RPE65: variants seen among roughly 807,000 people sequenced by gnomAD.
RPE65 encodes the protein retinoid isomerohydrolase RPE65, also known as retinoid isomerohydrolase.
RPE65 carries 58 observed loss-of-function variants against 68.5 expected under a neutral mutation model. The observed-to-expected ratio is 0.85, with a 90% CI of 0.69 to 1.05. The LOEUF is 1.05. Among genes scored for constraint, RPE65 ranks in the 50% least tolerant of loss-of-function variants. RPE65 has a pLI of 0.00. For synonymous variants in RPE65, 220 were observed against 222.2 expected (o/e 0.99, Z 0.09); for missense variants, 643 against 629.9 (o/e 1.02, Z -0.22).
Position 68,446,878 on chromosome 1 carries a change from C to T in RPE65, c.95-18G>A, listed in dbSNP as rs75886344. ...GATCCTGCCTGTGATGAAGGGGAGA[C>T]AGAACATTGCTTCTTATCCCTGCCT... is the stretch of plus-strand genomic sequence containing the variant. On this transcript the variant is annotated intron_variant, in intron 2 of 13. Coordinates refer to ENST00000262340, the MANE Select transcript of RPE65 (RefSeq NM_000329.3). 1.4e-3 allele frequency: 2,271 copies of T among 1,612,788 alleles called. 23 individuals carry two copies. The African/African-American group carries it at 0.026, about 19-fold the overall frequency.
intron 9 of RPE65, among the ~76,000 whole-genome samples, 184 bp from the exon 10 acceptor site, chr1:68,438,500 CTTAATGGATTTGT>C (rs1412264891): frequency 5.3e-5 from 8 of 152,142 alleles, no homozygotes; most frequent in Admixed American, 5.2e-4. Flanking sequence ...AAGCAACCTG[CTTAATGGATTTGT>C]TTAAGTAACA....
At chr1:68,434,200 G>C (rs1466744517) in intron 10 of RPE65, among the ~76,000 whole-genome samples, 1 of 151,456 alleles carries the variant, frequency 6.6e-6, no homozygotes, top group East Asian at 1.9e-4. Flanking sequence ...GAATTTTAAG[G>C]GTGAATAGAG....
chr1:68,446,914 T>G (rs1256045210), intron 2 of RPE65, 54 bp from the exon 3 acceptor site: 15 of 1,610,938 alleles, frequency 9.3e-6, no homozygotes, highest in South Asian at 5.5e-5. Context: ...TGGGCTAGGC[T>G]TGTCCTTGGT....
chr1:68,448,141 C>T (rs1645955812), intron 2 of RPE65, among the ~76,000 whole-genome samples: 1 of 152,162 alleles, frequency 6.6e-6, no homozygotes. Flanking sequence ...GGAATTGAGG[C>T]TCAGAACGTT....
In RPE65 at chr1:68,444,876, G is replaced by A. The variant is rs763317722; in HGVS notation, c.253C>T (p.Arg85Cys). The A allele has an allele frequency of 4.5e-5, 72 of 1,613,814 alleles. No individual in the cohort carries two copies. The highest frequency in any genetic ancestry group is 3.5e-4 in the Admixed American group (21 of 59,992). ...ATTGCCCGTACGTAAGCATCAGTGC[G>A]GATGAACCTGAAGGACATTGAAACA... ...GHVTYHRRFIRTDAYVRAMTE... is the reference protein window; with the variant it reads ...GHVTYHRRFICTDAYVRAMTE... The change falls in exon 4 of 14, where the codon CGC becomes TGC. Residue 85 changes from arginine (R) to cysteine (C), a missense_variant. Transcript: ENST00000262340.
chr1:68,444,750 G>A (rs1473269689), intron 4 of RPE65, 26 bp downstream of exon 4: 6 of 1,613,608 alleles, frequency 3.7e-6, no homozygotes, highest in African/African-American at 1.3e-5. Context: ...AATGTCTTGA[G>A]TAACATTCAG....
At position 68,436,444 on chromosome 1, in the gene RPE65, C is replaced by CTATTTATTTATT. The variant is rs71071305; in HGVS notation, c.1128+1731_1128+1742dup. 4.7e-5 allele frequency among the ~76,000 whole-genome samples: 7 copies of CTATTTATTTATT among 147,578 alleles called. No individual in the cohort carries two copies. The South Asian group carries it at 6.5e-4, about 14-fold the overall frequency. On this transcript the variant is annotated intron_variant, in intron 10 of 13. Transcript: ENST00000262340. ...TTCTACAAGCTAGCTCCTGTTACTT[C>CTATTTATTTATT]TATTTATTTATTTATTTATTTATTT... is the stretch of plus-strand genomic sequence containing the variant.
rs970298069 is a variant in RPE65, at chr1:68,439,076, C to A, written c.864G>T (p.Trp288Cys). 7 of 1,613,718 alleles carry A rather than the reference C, an allele frequency of 4.3e-6. No individual in the cohort carries two copies. In the African/African-American group the frequency reaches 5.3e-5, roughly 12 times the overall value. Residue 288 changes from tryptophan (W) to cysteine (C), a missense_variant, in exon 9 of 14, where the codon TGG becomes TGT. Coordinates refer to ENST00000262340, the MANE Select transcript of RPE65 (RefSeq NM_000329.3). Reference protein sequence around the residue: ...CFESNETMGVWLHIADKKRKK... With the variant: ...CFESNETMGVCLHIADKKRKK... ...TCCTTTTTTTGTCAGCAATATGAAG[C>A]CAAACCTTGAAAAATGAGGAAAATA...
Position 68,431,044 on chromosome 1 carries a change from CACA to C in RPE65, c.1450+18_1450+20del. 3 of 1,584,734 alleles carry C rather than the reference CACA, an allele frequency of 1.9e-6. No homozygotes were observed. Among genetic ancestry groups the C allele is most frequent in the Non-Finnish European group, 2.6e-6 (3 of 1,153,484 alleles). ...AACTGCAGTAAGAAGAGTATTCAGA[CACA>C]ACAATTGCTTTCATTACCATCATCT... On this transcript the variant is annotated intron_variant, in intron 13 of 13. Coordinates refer to ENST00000262340, the MANE Select transcript of RPE65 (RefSeq NM_000329.3).
Position 68,430,130 on chromosome 1 carries a change from T to C in RPE65, c.1451-203A>G, listed in dbSNP as rs541812265. 4.6e-5 allele frequency among the ~76,000 whole-genome samples: 7 copies of C among 152,324 alleles called. No homozygotes were observed. In the East Asian group the frequency reaches 1.4e-3, roughly 29 times the overall value. On this transcript the variant is annotated intron_variant, in intron 13 of 13. Transcript: ENST00000262340. Reference sequence around the variant, plus strand: ...AACTCTTTATGTACCCTACCTACACTGTAAGCTCTAAGAAGGGAGAGTCTT... The same window carrying C: ...AACTCTTTATGTACCCTACCTACACCGTAAGCTCTAAGAAGGGAGAGTCTT...
Position 68,429,922 on chromosome 1 carries a change from C to T in RPE65, c.1456G>A (p.Val486Ile). Residue 486 changes from valine (V) to isoleucine (I), a missense_variant, in exon 14 of 14, where the codon GTT becomes ATT. Val to Ile is a conservative substitution (Grantham distance 29, BLOSUM62 3). Transcript: ENST00000262340. ...PDALEEDDGV[V>I]LSVVVSPGAG... ...CCTGGGCTCACCACCACACTCAGAA[C>T]TACACCTGTTTATCAGAAGTAAATT... The T allele has an allele frequency of 6.2e-7, 1 of 1,613,726 alleles. No individual in the cohort carries two copies. The highest frequency in any genetic ancestry group is 8.5e-7 in the Non-Finnish European group (1 of 1,179,736).
chr1:68,431,951 A>T (rs1310321909), intron 10 of RPE65, among the ~76,000 whole-genome samples: 2 of 152,068 alleles, frequency 1.3e-5, no homozygotes, highest in African/African-American at 4.8e-5. Context: ...GTTTTTCTGC[A>T]GAACAACAAA....
chr1:68,436,299 C>G (rs997856312), intron 10 of RPE65, among the ~76,000 whole-genome samples: 1 of 152,102 alleles, frequency 6.6e-6, no homozygotes, highest in African/African-American at 2.4e-5. Flanking sequence ...AGATTGATCT[C>G]TCTCCATGAT....
At chr1:68,445,080 T>G (rs1645932921) in intron 3 of RPE65, among the ~76,000 whole-genome samples, 197 bp from the exon 4 acceptor site, 1 of 152,122 alleles carries the variant, frequency 6.6e-6, no homozygotes, top group African/African-American at 2.4e-5. Context: ...GAGTTTACGT[T>G]TTTATCTTTT....
chr1:68,445,124 G>C (rs2100828956), intron 3 of RPE65, among the ~76,000 whole-genome samples: 1 of 152,240 alleles, frequency 6.6e-6, no homozygotes, highest in East Asian at 1.9e-4. Context: ...AGGTTCAGAG[G>C]AGTTAAGTGA....
chr1:68,445,696 A>T (rs1645937805), intron 3 of RPE65, among the ~76,000 whole-genome samples: 1 of 151,982 alleles, frequency 6.6e-6, no homozygotes, highest in African/African-American at 2.4e-5. Context: ...CTGTATTTTT[A>T]GTAGAGACGG....
At chr1:68,436,160 A>G (rs1231389708) in intron 10 of RPE65, among the ~76,000 whole-genome samples, 1 of 152,162 alleles carries the variant, frequency 6.6e-6, no homozygotes, top group Admixed American at 6.5e-5. Flanking sequence ...TGTGATTTTT[A>G]CCATTATTAG....
At position 68,431,010 on chromosome 1, in the gene RPE65, A is replaced by G. The variant is rs528307078; in HGVS notation, c.1450+55T>C. ...AACCTTACTCCTTTCCTAACGAACT[A>G]ACATACAGAACTGCAGTAAGAAGAG... On this transcript the variant is annotated intron_variant, in intron 13 of 13. Transcript: ENST00000262340. 3.4e-5 allele frequency: 47 copies of G among 1,393,672 alleles called. 1 individual carries two copies. In the South Asian group the frequency reaches 5.5e-4, roughly 16 times the overall value. The allele number at this position is 1,393,672 out of a possible 1,614,324, so 86.3% of individuals were successfully genotyped here.
At position 68,438,973 on chromosome 1, in the gene RPE65, A is replaced by T; in HGVS notation, c.967T>A (p.Phe323Ile). 6.2e-7 allele frequency: 1 copy of T among 1,614,098 alleles called. No individual in the cohort carries two copies. The highest frequency in any genetic ancestry group is 1.1e-5 in the South Asian group (1 of 91,078). ...CAGCAGCAGAGATCCACAATCAGAA[A>T]CCCATTGTCTTCATAGGTGTTGATG... ...HHINTYEDNG[F>I]LIVDLCCWKG... is the part of the protein sequence containing the mutation. The change falls in exon 9 of 14, where the codon TTT becomes ATT. Residue 323 changes from phenylalanine (F) to isoleucine (I), a missense_variant. Transcript: ENST00000262340.
Sources: allele counts gnomAD v4.1 joint callset (sites outside exome capture counted in the v4.1 genomes callset), GRCh38; gene constraint gnomAD v4.1.1; transcripts MANE v1.5; gene names NCBI Gene and HGNC (gene_info 2026-07-23, HGNC 2026-07-21).